The following TNFAIP8 variants were observed in gnomAD, a reference collection of about 807,000 sequenced individuals.
TNFAIP8 encodes tumor necrosis factor alpha-induced protein 8.
A neutral mutation model predicts 13.3 loss-of-function variants in TNFAIP8; 7 were observed. The ratio of observed to expected loss-of-function variants is 0.52; its 90% CI spans 0.30 to 0.99. The LOEUF (loss-of-function observed/expected upper bound fraction) is 0.99. Among genes scored for constraint, TNFAIP8 ranks in the 50% least tolerant of loss-of-function variants. TNFAIP8 has a pLI of 0.07. For missense variants in TNFAIP8, 258 were observed against 236.9 expected (o/e 1.09, Z -0.58); for synonymous variants, 94 against 87.6 (o/e 1.07, Z -0.41).
intron 1 of TNFAIP8, among the ~76,000 whole-genome samples, chr5:119,273,700 A>G (rs1454463391): frequency 6.6e-6 from 1 of 152,196 alleles, no homozygotes; most frequent in African/African-American, 2.4e-5. Flanking sequence ...AGATTATTTA[A>G]GACAGACAGC....
At chr5:119,305,944 G>A (rs958547970) in intron 1 of TNFAIP8, among the ~76,000 whole-genome samples, 5 of 152,166 alleles carry the variant, frequency 3.3e-5, no homozygotes, top group African/African-American at 4.8e-5. Flanking sequence ...ACCTGGCTCC[G>A]GATCCTTCTG....
At chr5:119,311,874 G>C (rs1331541105) in intron 1 of TNFAIP8, among the ~76,000 whole-genome samples, 1 of 152,106 alleles carries the variant, frequency 6.6e-6, no homozygotes, top group Non-Finnish European at 1.5e-5. Context: ...AGGAATGAAA[G>C]TATCCATAGA....
rs777465880 is a variant in TNFAIP8, at chr5:119,356,099, C to T, written c.9C>T (p.Ser3=). Residue 3 remains serine, a synonymous_variant, in exon 1 of 2, where the codon TCC becomes TCT. Coordinates refer to ENST00000504771, the MANE Select transcript of TNFAIP8 (RefSeq NM_014350.4). Reference sequence around the variant, plus strand: ...CTGGTTATCCTGACATTATGCACTCCGAAGCAGAAGAATCCAAGGAAGGTA... The same window carrying T: ...CTGGTTATCCTGACATTATGCACTCTGAAGCAGAAGAATCCAAGGAAGGTA... The part of the protein sequence containing the change: MH[S]EAEESKEVAT... The T allele has an allele frequency of 6.3e-7, 1 of 1,588,082 alleles. No homozygotes were observed. The highest frequency in any genetic ancestry group is 8.6e-7 in the Non-Finnish European group (1 of 1,165,420).
chr5:119,380,571 A>G (rs1202193552), intron 1 of TNFAIP8, among the ~76,000 whole-genome samples: 2 of 152,234 alleles, frequency 1.3e-5, no homozygotes, highest in East Asian at 1.9e-4. Context: ...AAATATGTAA[A>G]TAAATCCAGC....
At chr5:119,383,290 G>T (rs1427824416) in intron 1 of TNFAIP8, among the ~76,000 whole-genome samples, 3 of 152,138 alleles carry the variant, frequency 2.0e-5, no homozygotes, top group African/African-American at 7.2e-5. Context: ...CTTACATTCT[G>T]GGTCAGTCAC....
At chr5:119,274,211 A>C (rs563052493) in intron 1 of TNFAIP8, among the ~76,000 whole-genome samples, 159 of 152,262 alleles carry the variant, frequency 1.0e-3, no homozygotes, top group African/African-American at 3.7e-3. Flanking sequence ...CAGTCTTCTG[A>C]GAAAAAAATG....
chr5:119,341,739 C>G (rs926438910), intron 1 of TNFAIP8, among the ~76,000 whole-genome samples: 1 of 152,114 alleles, frequency 6.6e-6, no homozygotes, highest in African/African-American at 2.4e-5. Context: ...GGGGCTGAAT[C>G]TGTTTAGAGA....
At chr5:119,334,693 G>A (rs535118748) in intron 1 of TNFAIP8, among the ~76,000 whole-genome samples, 1 of 150,162 alleles carries the variant, frequency 6.7e-6, no homozygotes, top group South Asian at 2.1e-4. Flanking sequence ...AGAATTGCTT[G>A]AACCTGGGAG....
At chr5:119,286,806 T>TA (rs1188138244) in intron 1 of TNFAIP8, among the ~76,000 whole-genome samples, 23 of 152,286 alleles carry the variant, frequency 1.5e-4, no homozygotes, top group Non-Finnish European at 1.5e-5. Context: ...CAACTTCCTC[T>TA]AGCCTCAGTC....
intron 1 of TNFAIP8, among the ~76,000 whole-genome samples, chr5:119,309,947 G>A (rs1384494620): frequency 1.3e-5 from 2 of 152,344 alleles, no homozygotes; most frequent in East Asian, 3.9e-4. Context: ...AAAATGGGAA[G>A]AAATAAAACC....
At position 119,393,640 on chromosome 5, in the gene TNFAIP8, T is replaced by G. The variant is rs1457316629; in HGVS notation, c.*259T>G. 7.1e-6 allele frequency: 3 copies of G among 420,752 alleles called. No homozygotes were observed. Among genetic ancestry groups the G allele is most frequent in the Non-Finnish European group, 1.3e-5 (3 of 231,344 alleles). 26.1% of individuals were successfully genotyped at this position (420,752 alleles called of 1,614,324 possible). The stretch of plus-strand genomic sequence containing the variant: ...ATGTGGTTGGGTAATGCAAATGTAG[T>G]TATACAAAGAAAAATACAGATGTCT... On this transcript the variant is annotated 3_prime_UTR_variant, in exon 2 of 2. Coordinates refer to ENST00000504771, the MANE Select transcript of TNFAIP8 (RefSeq NM_014350.4).
rs1281908718 is a variant in TNFAIP8 at position 119,392,494 on chromosome 5, G to A, written c.32-322G>A. ...CAGCCTCCGCCTCCTGGGTTCAAGC[G>A]ATTCTTCTGCCTCAGCCTCCTGAGT... On this transcript the variant is annotated intron_variant, in intron 1 of 1. Transcript: ENST00000504771. 2.0e-5 allele frequency among the ~76,000 whole-genome samples: 3 copies of A among 152,018 alleles called. 1 individual carries two copies. The highest frequency in any genetic ancestry group is 1.3e-4 in the Admixed American group (2 of 15,264).
At chr5:119,390,013 T>G (rs1752834968) in intron 1 of TNFAIP8, among the ~76,000 whole-genome samples, 2 of 152,216 alleles carry the variant, frequency 1.3e-5, no homozygotes, top group Admixed American at 1.3e-4. Flanking sequence ...AATGGGATAT[T>G]GAGATTTAAT....
At chr5:119,391,303 A>C (rs1329045889) in intron 1 of TNFAIP8, 2 of 693,760 alleles carry the variant, frequency 2.9e-6, no homozygotes, top group Non-Finnish European at 5.3e-6. Flanking sequence ...ACTCATTTGT[A>C]TGTATCTGTA....
At chr5:119,372,916 G>A (rs1278746848) in intron 1 of TNFAIP8, among the ~76,000 whole-genome samples, 1 of 152,134 alleles carries the variant, frequency 6.6e-6, no homozygotes, top group Non-Finnish European at 1.5e-5. Context: ...AGCCAAGATG[G>A]CGCCACTTCA....
chr5:119,342,549 C>G (rs772362723), intron 1 of TNFAIP8, among the ~76,000 whole-genome samples: 6 of 152,060 alleles, frequency 3.9e-5, no homozygotes, highest in Non-Finnish European at 8.8e-5. Flanking sequence ...TCAGGGTACT[C>G]TCTCAACTTA....
chr5:119,342,608 T>C (rs1418630703), intron 1 of TNFAIP8, among the ~76,000 whole-genome samples: 1 of 152,238 alleles, frequency 6.6e-6, no homozygotes, highest in Non-Finnish European at 1.5e-5. Context: ...GTGCTGTCTC[T>C]GCTTTCTCAA....
intron 1 of TNFAIP8, among the ~76,000 whole-genome samples, chr5:119,320,605 C>G (rs1376067735): frequency 6.6e-6 from 1 of 152,134 alleles, no homozygotes; most frequent in African/African-American, 2.4e-5. Context: ...ATCCCATGGC[C>G]TGTTCTAGTC....
intron 1 of TNFAIP8, among the ~76,000 whole-genome samples, chr5:119,281,970 C>T (rs1202645696): frequency 6.6e-6 from 1 of 152,198 alleles, no homozygotes; most frequent in African/African-American, 2.4e-5. Context: ...ATATGTCACT[C>T]CATTTTCTTC....
Sources: gnomAD v4.1 joint callset for allele counts (sites outside exome capture counted in the v4.1 genomes callset) on GRCh38, gnomAD v4.1.1 for gene constraint, MANE v1.5 for transcripts, NCBI Gene and HGNC (gene_info 2026-07-23, HGNC 2026-07-21) for gene names.